SLC49A4: variants seen among roughly 807,000 people sequenced by gnomAD.
SLC49A4 encodes the protein solute carrier family 49 member 4.
Under a neutral mutation model 50.6 loss-of-function variants are expected in SLC49A4, and 36 were observed. The ratio of observed to expected loss-of-function variants is 0.71; its 90% confidence interval spans 0.55 to 0.94. The LOEUF (loss-of-function observed/expected upper bound fraction) is 0.94, where lower values mean the gene tolerates loss of function less well. Ranked by LOEUF, SLC49A4 falls within the 40% of genes least tolerant of loss-of-function variation. The probability of loss-of-function intolerance (pLI) is 0.00; values close to 1 mark genes in which losing one functional copy is unlikely to be tolerated. For missense variants in SLC49A4, 503 were observed against 605.7 expected, an observed-to-expected ratio of 0.83 and a Z score of 1.78; for synonymous variants, 248 against 241.2, an observed-to-expected ratio of 1.03 and a Z score of -0.26.
At position 122,879,361 on chromosome 3, in the gene SLC49A4, G is replaced by A. The variant is rs138397591; in HGVS notation, c.1420G>A (p.Val474Met). 277 of 1,613,548 alleles carry A rather than the reference G, an allele frequency of 1.7e-4. No homozygotes were observed. The highest frequency in any genetic ancestry group is 2.2e-4 in the Non-Finnish European group (263 of 1,179,666). Residue 474 changes from valine to methionine, a missense_variant, in exon 9 of 9, where the codon GTG (valine) becomes ATG (methionine). Transcript: ENST00000261038. Reference protein sequence around the residue: ...RESYDRLYLDVVVSV With the variant: ...RESYDRLYLDMVVSV ...ATCCTATGACAGACTCTATCTTGAT[G>A]TGGTTGTCTCCGTTTAATAGCACAG... is the stretch of plus-strand genomic sequence containing the variant.
intron 4 of SLC49A4, among the ~76,000 whole-genome samples, chr3:122,843,357 CCCACCTT>C (rs576393724): frequency 9.6e-4 from 146 of 152,294 alleles, no homozygotes; most frequent in African/African-American, 3.2e-3. Context: ...CTTCCCACTT[CCCACCTT>C]CCTGCATCAT....
chr3:122,819,482 T>C (rs1210016824), intron 2 of SLC49A4, among the ~76,000 whole-genome samples: 1 of 152,222 alleles, frequency 6.6e-6, no homozygotes, highest in Non-Finnish European at 1.5e-5. Flanking sequence ...AATGTTCATC[T>C]TCATATTCCC....
At position 122,839,894 on chromosome 3, in the gene SLC49A4, C is replaced by T. The variant is rs1038257813; in HGVS notation, c.834-5869C>T. Reference sequence around the variant, plus strand: ...CCAGCAATCCCACTACTGGTGTCTACCCAAAGGAGAAAAGTCTTTATATGA... The same window carrying T: ...CCAGCAATCCCACTACTGGTGTCTATCCAAAGGAGAAAAGTCTTTATATGA... On this transcript the variant is annotated intron_variant, in intron 4 of 8. Coordinates refer to ENST00000261038, the MANE Select transcript of SLC49A4 (RefSeq NM_032839.3). Among the ~76,000 whole-genome samples the T allele has an allele frequency of 2.0e-5, 3 of 152,070 alleles. No individual in the cohort carries two copies. In the South Asian group the frequency reaches 6.2e-4, roughly 31 times the overall value.
At chr3:122,865,959 T>C (rs1246164705) in intron 7 of SLC49A4, among the ~76,000 whole-genome samples, 1 of 152,226 alleles carries the variant, frequency 6.6e-6, no homozygotes. Context: ...TATTTTATAA[T>C]GCTACTTATT....
At chr3:122,878,568 C>T (rs1344382153) in intron 8 of SLC49A4, among the ~76,000 whole-genome samples, 1 of 152,170 alleles carries the variant, frequency 6.6e-6, no homozygotes, top group East Asian at 1.9e-4. Context: ...ATGTTCTTGA[C>T]ACATTAAATC....
At chr3:122,807,129 AAG>A (rs919655136) in intron 2 of SLC49A4, among the ~76,000 whole-genome samples, 179 bp downstream of exon 2, 1 of 152,132 alleles carries the variant, frequency 6.6e-6, no homozygotes, top group African/African-American at 2.4e-5. Context: ...TGGAAATAAA[AAG>A]AGCAAGTTAA....
At position 122,879,444 on chromosome 3, in the gene SLC49A4, A is replaced by G. The variant is rs2288677; in HGVS notation, c.*66A>G. On this transcript the variant is annotated 3_prime_UTR_variant, in exon 9 of 9. Transcript: ENST00000261038. ...AATACTGCACACTGCACATTTGCTC[A>G]GAATTGCACATCTAACAGGAAAAGA... 0.33 allele frequency: 389,271 copies of G among 1,175,422 alleles called. 72,778 individuals carry two copies. Among genetic ancestry groups the G allele is most frequent in the East Asian group, 0.72 (29,060 of 40,276 alleles). The allele number at this position is 1,175,422 out of a possible 1,614,324, so 72.8% of individuals were successfully genotyped here. A position where few individuals can be genotyped will look rare whatever the true frequency, so the allele number is the denominator to read the frequency against.
chr3:122,856,861 C>G (rs1936996582), intron 6 of SLC49A4, among the ~76,000 whole-genome samples: 3 of 151,104 alleles, frequency 2.0e-5, no homozygotes. Context: ...AAAGAATTTG[C>G]TGCTATAAGA....
intron 7 of SLC49A4, among the ~76,000 whole-genome samples, chr3:122,869,487 A>G (rs1937167243): frequency 6.6e-6 from 1 of 151,916 alleles, no homozygotes; most frequent in Non-Finnish European, 1.5e-5. Context: ...CCATTGGGGG[A>G]TACTTAGTTT....
chr3:122,813,165 C>A (rs892297109), intron 2 of SLC49A4, among the ~76,000 whole-genome samples: 1 of 149,828 alleles, frequency 6.7e-6, no homozygotes, highest in Non-Finnish European at 1.5e-5. Context: ...CAGGAGAATC[C>A]GGGAGGTGGA....
intron 7 of SLC49A4, among the ~76,000 whole-genome samples, chr3:122,865,423 G>A (rs1481209331): frequency 2.0e-5 from 3 of 152,124 alleles, no homozygotes; most frequent in Admixed American, 6.5e-5. Context: ...CATATACTGC[G>A]TATTTTAATC....
In SLC49A4 at chr3:122,795,565, T is replaced by C. The variant is rs763794051; in HGVS notation, c.343+30T>C. 14 of 1,567,586 alleles carry C rather than the reference T, an allele frequency of 8.9e-6. No individual in the cohort carries two copies. The South Asian group carries it at 1.5e-4, about 17-fold the overall frequency. On this transcript the variant is annotated intron_variant, in intron 1 of 8. Transcript: ENST00000261038. The stretch of plus-strand genomic sequence containing the variant: ...GGGGTCGCGGAGCGCCAGCCCGCGC[T>C]GTCTCTCCTCCGGGAGCAGGCGCCT...
chr3:122,815,172 CT>C (rs931431394), intron 2 of SLC49A4, among the ~76,000 whole-genome samples: 25 of 152,154 alleles, frequency 1.6e-4, no homozygotes, highest in African/African-American at 5.1e-4. Flanking sequence ...TCACTGCCAC[CT>C]CCACCTCCTG....
At chr3:122,833,568 GATA>G (rs1936636776) in intron 4 of SLC49A4, 122 bp downstream of exon 4, 2 of 807,678 alleles carry the variant, frequency 2.5e-6, no homozygotes, top group Non-Finnish European at 3.6e-6. Context: ...GTAAGTAATT[GATA>G]AAATACTAAT....
At chr3:122,826,026 G>T (rs553764112) in intron 2 of SLC49A4, among the ~76,000 whole-genome samples, 5 of 152,256 alleles carry the variant, frequency 3.3e-5, no homozygotes, top group Non-Finnish European at 7.4e-5. Context: ...AACTGGAAGG[G>T]ACTTAGTGGT....
At chr3:122,852,751 A>G (rs566356706) in intron 5 of SLC49A4, among the ~76,000 whole-genome samples, 21 of 152,234 alleles carry the variant, frequency 1.4e-4, no homozygotes, top group African/African-American at 4.3e-4. Context: ...AGCAGGCCCT[A>G]AACTCATATT....
Position 122,814,215 on chromosome 3 carries a change from C to G in SLC49A4, c.437+7265C>G, listed in dbSNP as rs1045831798. On this transcript the variant is annotated intron_variant, in intron 2 of 8. Transcript: ENST00000261038. ...CCTGGGAGGCGGAGGTTACAGTGAGCCGAGATTGCGCCACTGCACTCCAGC... is the reference window on the plus strand; with the variant it reads ...CCTGGGAGGCGGAGGTTACAGTGAGGCGAGATTGCGCCACTGCACTCCAGC... Among the ~76,000 whole-genome samples the G allele has an allele frequency of 1.1e-4, 17 of 152,102 alleles. 1 individual carries two copies. The highest frequency in any genetic ancestry group is 3.1e-4 in the African/African-American group (13 of 41,406).
chr3:122,866,677 A>G (rs932927763), intron 7 of SLC49A4, among the ~76,000 whole-genome samples: 1 of 152,128 alleles, frequency 6.6e-6, no homozygotes, highest in Non-Finnish European at 1.5e-5. Context: ...GACAGCTGTC[A>G]TGTCTGACCT....
intron 5 of SLC49A4, among the ~76,000 whole-genome samples, chr3:122,850,341 C>A (rs907151604): frequency 1.6e-4 from 25 of 152,136 alleles, no homozygotes; most frequent in Non-Finnish European, 2.9e-5. Flanking sequence ...AGAACGATGT[C>A]TTTTGTCGCC....
Sources: gnomAD v4.1 joint callset for allele counts (sites outside exome capture counted in the v4.1 genomes callset) on GRCh38, gnomAD v4.1.1 for gene constraint, MANE v1.5 for transcripts, NCBI Gene and HGNC (gene_info 2026-07-23, HGNC 2026-07-21) for gene names.